NCAM1: variants seen among roughly 807,000 people sequenced by gnomAD.
NCAM1 encodes antigen recognized by monoclonal antibody 5.1H11.
In NCAM1, 14 loss-of-function variants were observed where a neutral mutation model predicts 109.8. The ratio of observed to expected loss-of-function variants is 0.13; its 90% CI spans 0.08 to 0.20. NCAM1 has a LOEUF of 0.20. Among genes scored for constraint, NCAM1 ranks in the 10% least tolerant of loss-of-function variants. The pLI is 1.00. For synonymous variants in NCAM1, 418 were observed against 442.9 expected, an observed-to-expected ratio of 0.94 and a Z score of 0.70; for missense variants, 774 against 1,109.9, an observed-to-expected ratio of 0.70 and a Z score of 4.30.
chr11:113,083,601 T>C (rs1290487596), intron 1 of NCAM1, among the ~76,000 whole-genome samples: 1 of 152,220 alleles, frequency 6.6e-6, no homozygotes, highest in Non-Finnish European at 1.5e-5. Context: ...TTTTTGTCAT[T>C]GGAATTGCTT....
rs782558279 is a variant in NCAM1 at position 113,273,061 on chromosome 11, C to T, written c.2456+1185C>T. ...AACAGCCCCACCAGTGAGACCACCA[C>T]CCTGACCTCCAGTATTGCCCCGCCG... On this transcript the variant is annotated intron_variant, in intron 19 of 19. Transcript: ENST00000316851. This position sits in a 1 kb window ranked among gnomAD's most constrained non-coding sequence, Gnocchi z 6.0. 4.4e-6 allele frequency: 2 copies of T among 456,868 alleles called. No individual in the cohort carries two copies. The highest frequency in any genetic ancestry group is 2.0e-5 in the African/African-American group (1 of 50,204). 28.3% of individuals were successfully genotyped at this position (456,868 alleles called of 1,614,324 possible).
At chr11:113,232,021 G>T in intron 10 of NCAM1, 149 bp from the exon 11 acceptor site, 2 of 942,266 alleles carry the variant, frequency 2.1e-6, no homozygotes, top group Non-Finnish European at 3.1e-6. Flanking sequence ...CCCATGCTGT[G>T]CACAGGAATT....
At chr11:113,114,404 G>A (rs923001547) in intron 1 of NCAM1, among the ~76,000 whole-genome samples, 3 of 152,192 alleles carry the variant, frequency 2.0e-5, no homozygotes, top group Admixed American at 6.5e-5. Context: ...TTGCTCCTAG[G>A]GCATGGGGCT....
At chr11:113,186,090 G>C (rs1279542392) in intron 1 of NCAM1, among the ~76,000 whole-genome samples, 1 of 152,196 alleles carries the variant, frequency 6.6e-6, no homozygotes, top group East Asian at 1.9e-4. Context: ...ACTATGCTGG[G>C]TATTGGGAAT....
chr11:113,030,177 T>G (rs192916982), intron 1 of NCAM1, among the ~76,000 whole-genome samples: 3 of 152,360 alleles, frequency 2.0e-5, no homozygotes, highest in Non-Finnish European at 4.4e-5. Flanking sequence ...GTTGCTGTGA[T>G]GGTCAGAGAT....
In NCAM1 at chr11:113,270,240, C is replaced by T. The variant is rs1591476139; in HGVS notation, c.2184C>T (p.Leu728=). ...GCACCGGGGCCATCGTGGGCATCCT[C>T]ATCGTCATCTTCGTCCTGCTCCTGG... ...GLSTGAIVGI[L]IVIFVLLLVV... Residue 728 remains leucine, a synonymous_variant, in exon 18 of 20, where the codon CTC becomes CTT. Transcript: ENST00000316851. 1 of 1,614,074 alleles carries T rather than the reference C, an allele frequency of 6.2e-7. No individual in the cohort carries two copies. Among genetic ancestry groups the T allele is most frequent in the East Asian group, 2.2e-5 (1 of 44,874 alleles).
chr11:113,271,725 G>A, intron 18 of NCAM1, 35 bp from the exon 19 acceptor site: 1 of 1,510,494 alleles, frequency 6.6e-7, no homozygotes, highest in Non-Finnish European at 9.0e-7. Context: ...CCCTGCAGCT[G>A]CCCTAGGGTC....
intron 1 of NCAM1, among the ~76,000 whole-genome samples, chr11:113,003,412 T>C (rs528638728): frequency 1.3e-5 from 2 of 152,332 alleles, no homozygotes; most frequent in South Asian, 4.2e-4. Context: ...TTATTGCAGT[T>C]GTCTTGTGTT....
At chr11:113,146,042 A>G (rs1275779890) in intron 1 of NCAM1, among the ~76,000 whole-genome samples, 1 of 152,196 alleles carries the variant, frequency 6.6e-6, no homozygotes, top group African/African-American at 2.4e-5. Context: ...AGGTGAATGA[A>G]AATATTTGCT....
intron 1 of NCAM1, among the ~76,000 whole-genome samples, chr11:112,997,601 A>G (rs1267448005): frequency 8.5e-5 from 13 of 152,278 alleles, no homozygotes; most frequent in African/African-American, 3.1e-4. Context: ...AATTTATTAG[A>G]TAATAAGATA....
At chr11:113,252,420 A>AT (rs1192249204) in intron 15 of NCAM1, among the ~76,000 whole-genome samples, 1 of 151,852 alleles carries the variant, frequency 6.6e-6, no homozygotes, top group East Asian at 1.9e-4. Context: ...AAAAAAAAAA[A>AT]AAAAGTCATA....
chr11:112,992,673 T>G (rs1178356057), intron 1 of NCAM1, among the ~76,000 whole-genome samples: 3 of 151,776 alleles, frequency 2.0e-5, no homozygotes, highest in Non-Finnish European at 4.4e-5. Flanking sequence ...GCTAATTTTT[T>G]TATTTTTGTA....
At position 113,057,581 on chromosome 11, in the gene NCAM1, A is replaced by G. The variant is rs538441168; in HGVS notation, c.52+95917A>G. Among the ~76,000 whole-genome samples the G allele has an allele frequency of 3.3e-5, 5 of 152,292 alleles. No homozygotes were observed. In the South Asian group the frequency reaches 1.0e-3, roughly 32 times the overall value. ...TAATGAGCTAACAGATGTCTAAATT[A>G]GGACTACACTAGAATGGAGGAGAAG... On this transcript the variant is annotated intron_variant, in intron 1 of 19. Transcript: ENST00000316851.
chr11:113,151,372 G>A (rs1363051640), intron 1 of NCAM1, among the ~76,000 whole-genome samples: 13 of 152,158 alleles, frequency 8.5e-5, no homozygotes, highest in African/African-American at 3.1e-4. Flanking sequence ...GAGAAAATAT[G>A]GCCACATTGA....
intron 1 of NCAM1, among the ~76,000 whole-genome samples, chr11:113,024,022 C>T (rs574400599): frequency 1.4e-4 from 22 of 152,168 alleles, no homozygotes; most frequent in Non-Finnish European, 2.5e-4. Flanking sequence ...AAGTTGGGTC[C>T]GGTTTTCTTC....
intron 1 of NCAM1, among the ~76,000 whole-genome samples, chr11:113,002,626 G>C (rs1188928619): frequency 6.6e-6 from 1 of 152,146 alleles, no homozygotes; most frequent in Non-Finnish European, 1.5e-5. Flanking sequence ...TTCTGCCTAT[G>C]TTCCTCTGCA....
At chr11:113,108,470 A>G (rs1222935174) in intron 1 of NCAM1, among the ~76,000 whole-genome samples, 1 of 152,156 alleles carries the variant, frequency 6.6e-6, no homozygotes, top group East Asian at 1.9e-4. Flanking sequence ...ACCTCTCCAT[A>G]CTTGATTTGC....
At chr11:113,216,311 G>A (rs1349318831) in intron 8 of NCAM1, among the ~76,000 whole-genome samples, 5 of 151,850 alleles carry the variant, frequency 3.3e-5, no homozygotes, top group Non-Finnish European at 7.4e-5. Context: ...CACCTCGCCC[G>A]GCTAATTTTT....
At chr11:113,162,647 A>G (rs956043587) in intron 1 of NCAM1, among the ~76,000 whole-genome samples, 1 of 152,218 alleles carries the variant, frequency 6.6e-6, no homozygotes, top group African/African-American at 2.4e-5. Context: ...GAGGGATAGC[A>G]GTGATGTAAT....
Sources: allele counts gnomAD v4.1 joint callset (sites outside exome capture counted in the v4.1 genomes callset), GRCh38; gene constraint gnomAD v4.1.1; non-coding constraint Gnocchi (gnomAD v3.1); transcripts MANE v1.5; gene names NCBI Gene and HGNC (gene_info 2026-07-23, HGNC 2026-07-21).